The following MAST4 variants were observed in gnomAD, a reference collection of about 807,000 sequenced individuals.
The protein encoded by MAST4 is microtubule-associated serine/threonine-protein kinase 4.
In MAST4, 89 loss-of-function variants were observed where a neutral mutation model predicts 162.7. The ratio of observed to expected loss-of-function variants is 0.55; its 90% confidence interval spans 0.46 to 0.65. The LOEUF is 0.65. MAST4 is among the 30% of genes least tolerant of loss of function. The pLI is 0.00. For missense variants in MAST4, 3,153 were observed against 3,374.0 expected, an observed-to-expected ratio of 0.93 and a Z score of 1.62; for synonymous variants, 1,479 against 1,361.1, an observed-to-expected ratio of 1.09 and a Z score of -1.91.
chr5:66,845,935 T>C (rs761421154), intron 3 of MAST4, among the ~76,000 whole-genome samples: 16 of 152,170 alleles, frequency 1.1e-4, no homozygotes, highest in Non-Finnish European at 2.2e-4. Context: ...ATGAAAGAAT[T>C]ATAAACATAA....
chr5:67,166,859 C>G lies in MAST4; in HGVS notation c.7680C>G (p.Thr2560=). 1 of 1,606,970 alleles carries G rather than the reference C, an allele frequency of 6.2e-7. No homozygotes were observed. Among genetic ancestry groups the G allele is most frequent in the Non-Finnish European group, 8.5e-7 (1 of 1,177,074 alleles). The change falls in exon 29 of 29, where the codon ACC becomes ACG. Residue 2560 remains threonine (T), a synonymous_variant. Coordinates refer to ENST00000403625, the MANE Select transcript of MAST4 (RefSeq NM_001164664.2). ...ALSVTATVGE[T]KGKDPAPAQP... is the part of the protein sequence containing the mutation. ...CGGTGACTGCCACCGTAGGGGAAAC[C>G]AAAGGGAAGGACCCTGCCCCAGCCC... is the stretch of plus-strand genomic sequence containing the variant.
intron 1 of MAST4, among the ~76,000 whole-genome samples, chr5:66,663,841 C>A (rs1747067231): frequency 6.6e-6 from 1 of 152,182 alleles, no homozygotes; most frequent in African/African-American, 2.4e-5. Context: ...CAAGATCACT[C>A]TGGCTACCAT....
chr5:66,874,108 A>C (rs1475483993), intron 3 of MAST4, among the ~76,000 whole-genome samples: 2 of 152,188 alleles, frequency 1.3e-5, no homozygotes, highest in Non-Finnish European at 2.9e-5. Context: ...AAACAAAGAT[A>C]AGTATTGTGC....
chr5:67,035,130 C>A (rs1031424618), intron 4 of MAST4, among the ~76,000 whole-genome samples: 1 of 152,090 alleles, frequency 6.6e-6, no homozygotes, highest in African/African-American at 2.4e-5. Context: ...CTGAAGTTCA[C>A]CAAACCTGCC....
intron 26 of MAST4, among the ~76,000 whole-genome samples, chr5:67,158,621 T>C (rs1772826787): frequency 6.6e-6 from 1 of 152,082 alleles, no homozygotes; most frequent in Non-Finnish European, 1.5e-5. Flanking sequence ...AAACTAATAA[T>C]AAAATACTAA....
intron 2 of MAST4, among the ~76,000 whole-genome samples, chr5:66,761,817 T>G (rs1343394799): frequency 1.3e-5 from 2 of 152,224 alleles, no homozygotes; most frequent in African/African-American, 4.8e-5. Context: ...TTTCTTTGCT[T>G]TCATTTCATA....
intron 5 of MAST4, among the ~76,000 whole-genome samples, chr5:67,059,826 A>G (rs1335692554): frequency 2.0e-5 from 3 of 152,138 alleles, no homozygotes; most frequent in Non-Finnish European, 2.9e-5. Context: ...TAGGTTACAA[A>G]GAGACTTCAT....
At chr5:66,609,310 G>T in intron 1 of MAST4, among the ~76,000 whole-genome samples, 1 of 151,838 alleles carries the variant, frequency 6.6e-6, no homozygotes, top group Non-Finnish European at 1.5e-5. Context: ...GGACATAGCT[G>T]CCCAGCCCTT....
chr5:67,079,343 ATAGAACT>A (rs1762336548), intron 5 of MAST4, among the ~76,000 whole-genome samples: 1 of 152,142 alleles, frequency 6.6e-6, no homozygotes, highest in Non-Finnish European at 1.5e-5. Flanking sequence ...AATAGCAAAT[ATAGAACT>A]TTATATAAAT....
intron 1 of MAST4, among the ~76,000 whole-genome samples, chr5:66,758,865 A>T (rs929861226): frequency 6.6e-6 from 1 of 152,210 alleles, no homozygotes; most frequent in African/African-American, 2.4e-5. Flanking sequence ...TTAATAACTA[A>T]CTGGAAGTAT....
chr5:67,130,222 T>G lies in MAST4; in HGVS notation c.1758T>G (p.Phe586Leu). The change falls in exon 15 of 29, where the codon TTT (phenylalanine) becomes TTG (leucine). Residue 586 changes from phenylalanine (F) to leucine (L), a missense_variant. Transcript: ENST00000403625. ...ISNGAYGAVY[F>L]VRHKESRQRF... ...TGCTCCTTTTCAGGGCAGTCTACTT[T>G]GTTCGGCATAAAGAATCCCGGCAGA... is the stretch of plus-strand genomic sequence containing the variant. 2 of 1,612,502 alleles carry G rather than the reference T, an allele frequency of 1.2e-6. No individual in the cohort carries two copies. Among genetic ancestry groups the G allele is most frequent in the Non-Finnish European group, 1.7e-6 (2 of 1,179,088 alleles).
At chr5:66,728,116 G>A (rs915839093) in intron 1 of MAST4, among the ~76,000 whole-genome samples, 5 of 152,100 alleles carry the variant, frequency 3.3e-5, no homozygotes, top group African/African-American at 1.2e-4. Context: ...TGAGGCACAG[G>A]AAACATTTAA....
At chr5:67,049,022 C>CGTGTATATATATATATAT (rs199538497) in intron 4 of MAST4, among the ~76,000 whole-genome samples, 4 of 81,936 alleles carry the variant, frequency 4.9e-5, no homozygotes, top group African/African-American at 2.3e-4. Flanking sequence ...TATATATATA[C>CGTGTATATATATATATAT]GTATATATAT....
chr5:67,104,762 T>C (rs1765410625), intron 10 of MAST4, among the ~76,000 whole-genome samples, 187 bp downstream of exon 10: 1 of 151,882 alleles, frequency 6.6e-6, no homozygotes, highest in Non-Finnish European at 1.5e-5. Context: ...TTATTTATAG[T>C]AATAGAAAAT....
chr5:66,720,442 T>C (rs1401605709), intron 1 of MAST4, among the ~76,000 whole-genome samples: 2 of 152,198 alleles, frequency 1.3e-5, no homozygotes, highest in African/African-American at 2.4e-5. Flanking sequence ...GAATCAAATT[T>C]TGATAATTTA....
At chr5:66,824,012 GGCA>G (rs1213743086) in intron 3 of MAST4, among the ~76,000 whole-genome samples, 1 of 152,092 alleles carries the variant, frequency 6.6e-6, no homozygotes, top group Non-Finnish European at 1.5e-5. Flanking sequence ...ATTGGCCACT[GGCA>G]GCTATCTATG....
At chr5:66,722,453 G>GTTT (rs56786188) in intron 1 of MAST4, among the ~76,000 whole-genome samples, 4,843 of 141,852 alleles carry the variant, frequency 0.034, 235 homozygotes, top group African/African-American at 0.11. Flanking sequence ...CTGGTTCTGG[G>GTTT]TTTTTTTTTT....
At position 66,872,874 on chromosome 5, in the gene MAST4, C is replaced by T. The variant is rs370925347; in HGVS notation, c.643-27077C>T. 9.2e-5 allele frequency among the ~76,000 whole-genome samples: 14 copies of T among 152,310 alleles called. No individual in the cohort carries two copies. In the East Asian group the frequency reaches 9.6e-4, roughly 10 times the overall value. On this transcript the variant is annotated intron_variant, in intron 3 of 28. Transcript: ENST00000403625. ...GATCAGTGGTGTTTTAAGGACTCAG[C>T]TCAGCATGTGCTTTTGTTCCCCCTC...
chr5:67,012,906 T>C (rs1263899207), intron 4 of MAST4, among the ~76,000 whole-genome samples: 3 of 152,186 alleles, frequency 2.0e-5, no homozygotes, highest in Non-Finnish European at 4.4e-5. Context: ...AACTGACATA[T>C]CATGGTTTTA....
Sources: allele counts gnomAD v4.1 joint callset (sites outside exome capture counted in the v4.1 genomes callset), GRCh38; gene constraint gnomAD v4.1.1; transcripts MANE v1.5; gene names NCBI Gene and HGNC (gene_info 2026-07-23, HGNC 2026-07-21).